FOCAD: variants seen among roughly 807,000 people sequenced by gnomAD.
FOCAD encodes the protein KIAA1797.
FOCAD carries 198 observed loss-of-function variants against 225.6 expected under a neutral mutation model. That is an observed-to-expected ratio of 0.88 (90% CI 0.78 to 0.99). The LOEUF (loss-of-function observed/expected upper bound fraction) is 0.99, where lower values mean the gene tolerates loss of function less well. Among genes scored for constraint, FOCAD ranks in the 50% least tolerant of loss-of-function variants. The probability of loss-of-function intolerance (pLI) is 0.00; values close to 1 mark genes in which losing one functional copy is unlikely to be tolerated. For synonymous variants in FOCAD, 897 were observed against 755.0 expected (o/e 1.19, Z -3.08); for missense variants, 2,713 against 2,123.6 (o/e 1.28, Z -5.46).
chr9:20,721,608 G>C (rs982869614), intron 4 of FOCAD, among the ~76,000 whole-genome samples: 1 of 151,920 alleles, frequency 6.6e-6, no homozygotes, highest in Non-Finnish European at 1.5e-5. Context: ...AGACTAAGGC[G>C]TGAGAATCAC....
intron 1 of FOCAD, among the ~76,000 whole-genome samples, chr9:20,689,256 C>T (rs1001779916): frequency 6.6e-6 from 1 of 152,030 alleles, no homozygotes; most frequent in Non-Finnish European, 1.5e-5. Context: ...ATGGTAGAAA[C>T]GGAGGTGTTC....
intron 2 of FOCAD, among the ~76,000 whole-genome samples, chr9:20,660,660 A>G (rs1441026759): frequency 6.6e-6 from 1 of 152,206 alleles, no homozygotes; most frequent in Non-Finnish European, 1.5e-5. Context: ...AGAAGTGGCC[A>G]ACAGTATCAA....
chr9:20,854,385 T>A (rs775112619), intron 15 of FOCAD, among the ~76,000 whole-genome samples: 1 of 151,788 alleles, frequency 6.6e-6, no homozygotes, highest in Non-Finnish European at 1.5e-5. Context: ...TGGGCTTTAC[T>A]GGTAACCTTG....
At chr9:20,834,871 A>G (rs926697539) in intron 15 of FOCAD, among the ~76,000 whole-genome samples, 1 of 152,142 alleles carries the variant, frequency 6.6e-6, no homozygotes, top group Non-Finnish European at 1.5e-5. Flanking sequence ...ACTATATAAC[A>G]TTAGTATGAA....
At chr9:20,942,972 A>G (rs1836816783) in intron 28 of FOCAD, among the ~76,000 whole-genome samples, 1 of 152,228 alleles carries the variant, frequency 6.6e-6, no homozygotes, top group Admixed American at 6.5e-5. Flanking sequence ...AGTCAAAGAG[A>G]GAACAACAGT....
In FOCAD at chr9:20,894,423, G is replaced by A. The variant is rs563637829; in HGVS notation, c.2625+9193G>A. ...ACACTTGCTGGATTGTATGGTAAGA[G>A]TGTGTTTGGTTTTGGTAAAAAATGG... On this transcript the variant is annotated intron_variant, in intron 21 of 43. Coordinates refer to ENST00000338382, the MANE Select transcript of FOCAD (RefSeq NM_001375567.1). Among the ~76,000 whole-genome samples the A allele has an allele frequency of 2.8e-4, 42 of 152,212 alleles. No individual in the cohort carries two copies. In the South Asian group the frequency reaches 8.5e-3, roughly 31 times the overall value.
chr9:20,833,799 C>T (rs1825737177), intron 15 of FOCAD, among the ~76,000 whole-genome samples: 1 of 152,014 alleles, frequency 6.6e-6, no homozygotes, highest in African/African-American at 2.4e-5. Flanking sequence ...CATCACTGGT[C>T]ATTGGGAAAT....
At chr9:20,670,649 G>A (rs998821588) in intron 2 of FOCAD, among the ~76,000 whole-genome samples, 3 of 152,304 alleles carry the variant, frequency 2.0e-5, no homozygotes, top group East Asian at 1.9e-4. Context: ...TGACAGACAC[G>A]TGAGGATGAC....
At chr9:20,903,481 T>C (rs1832715015) in intron 21 of FOCAD, among the ~76,000 whole-genome samples, 3 of 151,964 alleles carry the variant, frequency 2.0e-5, no homozygotes, top group Admixed American at 2.0e-4. Context: ...TTTTACAATA[T>C]AAATTAGATC....
intron 22 of FOCAD, 80 bp from the exon 23 acceptor site, chr9:20,912,786 A>T: frequency 9.0e-7 from 1 of 1,112,718 alleles, no homozygotes; most frequent in Non-Finnish European, 1.4e-6. Context: ...GGAAAAGGAT[A>T]TATCTGTGTT....
At chr9:20,793,446 T>C (rs4977732) in intron 11 of FOCAD, among the ~76,000 whole-genome samples, 22,685 of 152,192 alleles carry the variant, frequency 0.15, 2,008 homozygotes, top group East Asian at 0.28. Context: ...TGTTAATTTC[T>C]TGGCATTCCT....
At chr9:20,848,352 C>T (rs536224567) in intron 15 of FOCAD, among the ~76,000 whole-genome samples, 29 of 152,178 alleles carry the variant, frequency 1.9e-4, no homozygotes, top group African/African-American at 7.0e-4. Context: ...TCAGGACCCT[C>T]TCTGGAATAG....
intron 5 of FOCAD, among the ~76,000 whole-genome samples, chr9:20,749,208 T>G (rs1307248928): frequency 1.3e-5 from 2 of 152,130 alleles, no homozygotes. Flanking sequence ...AGGTTCATTG[T>G]TGGGGGAGAA....
intron 35 of FOCAD, among the ~76,000 whole-genome samples, chr9:20,953,676 T>G (rs541026751): frequency 6.6e-5 from 10 of 152,332 alleles, no homozygotes; most frequent in African/African-American, 2.4e-4. Flanking sequence ...TCCTTAATAA[T>G]ACACATATAG....
At chr9:20,747,910 T>C (rs908158654) in intron 5 of FOCAD, among the ~76,000 whole-genome samples, 1 of 151,094 alleles carries the variant, frequency 6.6e-6, no homozygotes, top group African/African-American at 2.4e-5. Flanking sequence ...TTAGAGTAGT[T>C]TAGTTATTGT....
intron 35 of FOCAD, among the ~76,000 whole-genome samples, chr9:20,964,780 C>T (rs1046730758): frequency 2.0e-5 from 3 of 152,162 alleles, no homozygotes; most frequent in African/African-American, 7.2e-5. Flanking sequence ...ATGATCCATC[C>T]TCCTCGGCCT....
intron 18 of FOCAD, among the ~76,000 whole-genome samples, chr9:20,869,794 A>G (rs891677529): frequency 6.6e-6 from 1 of 152,150 alleles, no homozygotes; most frequent in Non-Finnish European, 1.5e-5. Flanking sequence ...GAGGATGTTG[A>G]CTGAATGCAT....
At chr9:20,931,676 A>G (rs539591315) in intron 27 of FOCAD, among the ~76,000 whole-genome samples, 39 of 152,318 alleles carry the variant, frequency 2.6e-4, no homozygotes, top group African/African-American at 9.4e-4. Context: ...GAAGAGAATT[A>G]TGAATCACAT....
chr9:20,665,561 G>C (rs2131266508), intron 2 of FOCAD, among the ~76,000 whole-genome samples: 1 of 152,258 alleles, frequency 6.6e-6, no homozygotes, highest in Non-Finnish European at 1.5e-5. Flanking sequence ...ACAATTATTT[G>C]ATTCTAGAAA....
Sources: gnomAD v4.1 joint callset for allele counts (sites outside exome capture counted in the v4.1 genomes callset) on GRCh38, gnomAD v4.1.1 for gene constraint, MANE v1.5 for transcripts, NCBI Gene and HGNC (gene_info 2026-07-23, HGNC 2026-07-21) for gene names.